Variants in C12orf42 observed in about 807,000 individuals in gnomAD.
The protein encoded by C12orf42 is chromosome 12 open reading frame 42.
Under a neutral mutation model 21.6 loss-of-function variants are expected in C12orf42, and 25 were observed. The ratio of observed to expected loss-of-function variants is 1.16; its 90% CI spans 0.84 to 1.62. The LOEUF is 1.62. C12orf42 is among the 40% of genes most tolerant of loss of function. The pLI, the probability that C12orf42 is intolerant of heterozygous loss-of-function variation, is 0.00. For synonymous variants in C12orf42, 174 were observed against 175.0 expected, an observed-to-expected ratio of 0.99 and a Z score of 0.05; for missense variants, 483 against 459.3, an observed-to-expected ratio of 1.05 and a Z score of -0.47.
the C12orf42 span, among the ~76,000 whole-genome samples, chr12:103,075,788 T>C: frequency 6.6e-6 from 1 of 152,142 alleles, no homozygotes; most frequent in Non-Finnish European, 1.5e-5. Context: ...AGGGTAGTGT[T>C]TATGGGAGAG....
the C12orf42 span, among the ~76,000 whole-genome samples, chr12:103,147,175 G>A: frequency 6.6e-6 from 1 of 152,100 alleles, no homozygotes. Flanking sequence ...TACAGACAAG[G>A]AGGCCTATAA....
intron 4 of C12orf42, among the ~76,000 whole-genome samples, chr12:103,311,966 A>G (rs908878257): frequency 3.3e-5 from 5 of 152,228 alleles, no homozygotes; most frequent in African/African-American, 9.6e-5. Context: ...TGAATATACT[A>G]GAGCTATAAA....
intron 10 of C12orf42, among the ~76,000 whole-genome samples, chr12:103,258,306 A>G (rs1422151445): frequency 2.0e-5 from 3 of 152,120 alleles, no homozygotes; most frequent in African/African-American, 7.2e-5. Context: ...TCATATAGAT[A>G]TCGTAAACTG....
chr12:103,383,306 G>A (rs532886956), intron 3 of C12orf42, among the ~76,000 whole-genome samples: 68 of 152,158 alleles, frequency 4.5e-4, no homozygotes, highest in Non-Finnish European at 2.4e-4. Flanking sequence ...GTTTCACCAT[G>A]TTAGTCAGGC....
chr12:103,476,842 C>T (rs528133355), intron 2 of C12orf42: 83 of 152,212 alleles, frequency 5.5e-4, no homozygotes, highest in African/African-American at 1.9e-3. Context: ...CAGAAGGATA[C>T]TTAATATATC....
At chr12:103,367,199 A>G (rs1196734357) in intron 4 of C12orf42, among the ~76,000 whole-genome samples, 2 of 152,078 alleles carry the variant, frequency 1.3e-5, no homozygotes, top group African/African-American at 4.8e-5. Flanking sequence ...CAGGAATGGA[A>G]AACCAAACGT....
intron 4 of C12orf42, among the ~76,000 whole-genome samples, chr12:103,279,230 G>A (rs1475222986): frequency 6.6e-6 from 1 of 151,676 alleles, no homozygotes; most frequent in Non-Finnish European, 1.5e-5. Context: ...TGTTCTTACT[G>A]CCCCCCACCA....
chr12:103,121,547 G>A, the C12orf42 span, among the ~76,000 whole-genome samples: 1 of 152,224 alleles, frequency 6.6e-6, no homozygotes, highest in Non-Finnish European at 1.5e-5. Context: ...TAGACAGCAT[G>A]CAGAGAAGAG....
chr12:103,331,877 G>A (rs2041267241), intron 4 of C12orf42, among the ~76,000 whole-genome samples: 1 of 152,202 alleles, frequency 6.6e-6, no homozygotes, highest in African/African-American at 2.4e-5. Flanking sequence ...GTATAGGCAG[G>A]AAGCATGAAC....
chr12:103,522,448 C>A, the C12orf42 span, among the ~76,000 whole-genome samples: 1 of 152,144 alleles, frequency 6.6e-6, no homozygotes, highest in Non-Finnish European at 1.5e-5. Flanking sequence ...ACCAGCTATG[C>A]CCGGGAGCCA....
chr12:103,306,657 TGC>T (rs2038365958), intron 4 of C12orf42, among the ~76,000 whole-genome samples: 1 of 152,172 alleles, frequency 6.6e-6, no homozygotes, highest in South Asian at 2.1e-4. Flanking sequence ...TTATCTGTCT[TGC>T]ACAGGTCACA....
chr12:103,484,260 T>G (rs1355487424), intron 1 of C12orf42, among the ~76,000 whole-genome samples: 5 of 152,242 alleles, frequency 3.3e-5, no homozygotes, highest in African/African-American at 1.2e-4. Flanking sequence ...ATGGTTGAAC[T>G]AATTTACACT....
the C12orf42 span, among the ~76,000 whole-genome samples, chr12:103,536,885 C>T: frequency 3.9e-5 from 6 of 152,138 alleles, no homozygotes; most frequent in African/African-American, 1.4e-4. Flanking sequence ...TCCTATCCCC[C>T]TTTTTTATTT....
the C12orf42 span, among the ~76,000 whole-genome samples, chr12:103,102,429 T>C: frequency 6.6e-6 from 1 of 152,340 alleles, no homozygotes; most frequent in South Asian, 2.1e-4. Flanking sequence ...CTGTCTCATT[T>C]GGGACTGAGC....
the C12orf42 span, among the ~76,000 whole-genome samples, chr12:103,122,619 T>A: frequency 6.6e-6 from 1 of 152,146 alleles, no homozygotes; most frequent in Admixed American, 6.6e-5. Context: ...GAGCAAGTCA[T>A]ACAGCTATCT....
chr12:103,068,934 CATATATATATATATATATAT>C, the C12orf42 span, among the ~76,000 whole-genome samples: 219 of 48,144 alleles, frequency 4.5e-3, 4 homozygotes, highest in Middle Eastern at 0.014. Context: ...TCTCTCTCCA[CATATATATATATATATATAT>C]ATATATATAT....
At chr12:103,416,161 A>G (rs147294705) in intron 2 of C12orf42, among the ~76,000 whole-genome samples, 9 of 151,592 alleles carry the variant, frequency 5.9e-5, no homozygotes, top group African/African-American at 2.2e-4. Flanking sequence ...ATCAAACTTT[A>G]TGTCATTCTG....
At chr12:103,088,876 G>A in the C12orf42 span, among the ~76,000 whole-genome samples, 1 of 152,040 alleles carries the variant, frequency 6.6e-6, no homozygotes, top group Non-Finnish European at 1.5e-5. Flanking sequence ...GGCCGAGGAG[G>A]CCAGATCACG....
chr12:103,107,867 T>C, the C12orf42 span, among the ~76,000 whole-genome samples: 56 of 151,150 alleles, frequency 3.7e-4, no homozygotes, highest in African/African-American at 1.2e-3. Flanking sequence ...AAGAAAGAAA[T>C]AGTCAAAATT....
Sources: gnomAD v4.1 joint callset for allele counts (sites outside exome capture counted in the v4.1 genomes callset) on GRCh38, gnomAD v4.1.1 for gene constraint, MANE v1.5 for transcripts, NCBI Gene and HGNC (gene_info 2026-07-23, HGNC 2026-07-21) for gene names.